The following CDH12 variants were observed in gnomAD, a reference collection of about 807,000 sequenced individuals.
CDH12 encodes the protein cadherin 12.
In CDH12, 41 loss-of-function variants were observed where a neutral mutation model predicts 74.1. The observed-to-expected ratio is 0.55, with a 90% CI of 0.43 to 0.72. The LOEUF is 0.72. CDH12 is among the 30% of genes least tolerant of loss of function. CDH12 has a pLI of 0.00. For synonymous variants in CDH12, 399 were observed against 355.0 expected (o/e 1.12, Z -1.39); for missense variants, 945 against 977.2 (o/e 0.97, Z 0.44).
intron 3 of CDH12, among the ~76,000 whole-genome samples, chr5:22,254,538 T>C (rs991640304): frequency 6.6e-6 from 1 of 151,770 alleles, no homozygotes; most frequent in African/African-American, 2.4e-5. Context: ...CATTCTACAA[T>C]GCAATGAAAT....
intron 1 of CDH12, among the ~76,000 whole-genome samples, chr5:22,762,986 A>T (rs970623639): frequency 6.9e-6 from 1 of 145,440 alleles, no homozygotes; most frequent in Non-Finnish European, 1.5e-5. Context: ...ACTGAAAATT[A>T]AAAAAAAAAT....
chr5:21,990,159 T>G (rs1291118320), intron 5 of CDH12, among the ~76,000 whole-genome samples: 7 of 152,206 alleles, frequency 4.6e-5, no homozygotes, highest in African/African-American at 9.6e-5. Flanking sequence ...TAGTGATTTC[T>G]GTGTTTTCAC....
intron 1 of CDH12, among the ~76,000 whole-genome samples, chr5:22,768,665 T>TA (rs575437540): frequency 1.3e-5 from 2 of 152,164 alleles, no homozygotes; most frequent in African/African-American, 2.4e-5. Context: ...AGGGAAGTAT[T>TA]AAAAAAATGA....
rs140818231 is a variant in CDH12 at position 22,598,152 on chromosome 5, C to T, written c.-522-92788G>A. Among the ~76,000 whole-genome samples the T allele has an allele frequency of 3.6e-3, 549 of 152,180 alleles. 1 individual carries two copies. The highest frequency in any genetic ancestry group is 0.01 in the African/African-American group (423 of 41,516). ...ATGATGTAATGCTGAAGTTCCATTT[C>T]CATTTCAACTTTAAGATTCTGTGAA... On this transcript the variant is annotated intron_variant, in intron 1 of 14. Coordinates refer to ENST00000382254, the MANE Select transcript of CDH12 (RefSeq NM_004061.5).
chr5:21,896,379 C>G (rs552035708), intron 6 of CDH12, among the ~76,000 whole-genome samples: 1 of 152,176 alleles, frequency 6.6e-6, no homozygotes, highest in South Asian at 2.1e-4. Context: ...ACAATTTTCT[C>G]TGCTCAAAAA....
intron 1 of CDH12, among the ~76,000 whole-genome samples, chr5:22,723,791 A>G (rs548836163): frequency 6.6e-6 from 1 of 152,184 alleles, no homozygotes; most frequent in Admixed American, 6.6e-5. Flanking sequence ...TTTGGCACTA[A>G]TAAGTGATGG....
At chr5:22,181,086 C>T (rs1325153859) in intron 4 of CDH12, among the ~76,000 whole-genome samples, 1 of 152,064 alleles carries the variant, frequency 6.6e-6, no homozygotes, top group Non-Finnish European at 1.5e-5. Flanking sequence ...TCTCTTCTCC[C>T]TCACAAGCAA....
chr5:22,457,564 C>A (rs1745331011), intron 2 of CDH12, among the ~76,000 whole-genome samples: 1 of 150,684 alleles, frequency 6.6e-6, no homozygotes, highest in South Asian at 2.1e-4. Context: ...GGATTACAGG[C>A]ACCTGCTAAC....
chr5:22,036,030 G>A (rs1441330760), intron 5 of CDH12, among the ~76,000 whole-genome samples: 7 of 152,054 alleles, frequency 4.6e-5, no homozygotes, highest in East Asian at 1.9e-4. Flanking sequence ...GAATGCAGCC[G>A]GCATTGACAT....
chr5:22,147,284 A>G (rs1320577822), intron 4 of CDH12, among the ~76,000 whole-genome samples: 1 of 152,118 alleles, frequency 6.6e-6, no homozygotes, highest in Non-Finnish European at 1.5e-5. Context: ...TTTGTCTCTG[A>G]CTTTTCACTC....
rs147504882 is a variant in CDH12, at chr5:22,419,203, C to T, written c.-427-13852G>A. Among the ~76,000 whole-genome samples the T allele has an allele frequency of 4.1e-3, 629 of 152,158 alleles. 7 individuals carry two copies. Among genetic ancestry groups the T allele is most frequent in the African/African-American group, 0.014 (598 of 41,506 alleles). ...GGCAGGACGTGCAAGTTTGTTACAC[C>T]GGTAAACACGGGTGTGCTTTGGTGG... On this transcript the variant is annotated intron_variant, in intron 2 of 14. Coordinates refer to ENST00000382254, the MANE Select transcript of CDH12 (RefSeq NM_004061.5).
At chr5:21,763,324 G>A (rs1470551549) in intron 12 of CDH12, among the ~76,000 whole-genome samples, 1 of 152,126 alleles carries the variant, frequency 6.6e-6, no homozygotes, top group Admixed American at 6.5e-5. Context: ...TAGTATGAAT[G>A]AGAATATAGT....
At chr5:21,948,474 A>G (rs1340362883) in intron 6 of CDH12, among the ~76,000 whole-genome samples, 1 of 152,140 alleles carries the variant, frequency 6.6e-6, no homozygotes, top group African/African-American at 2.4e-5. Flanking sequence ...TAATTTCTCC[A>G]ATTTGGAATG....
At chr5:22,247,761 T>C (rs1054753405) in intron 3 of CDH12, among the ~76,000 whole-genome samples, 1 of 152,228 alleles carries the variant, frequency 6.6e-6, no homozygotes, top group Non-Finnish European at 1.5e-5. Context: ...TAAAAAATTC[T>C]ATATGTCTTT....
chr5:21,978,950 C>G (rs1015680947), intron 5 of CDH12, among the ~76,000 whole-genome samples: 3 of 144,756 alleles, frequency 2.1e-5, no homozygotes, highest in African/African-American at 8.2e-5. Context: ...GCTTTGCTTA[C>G]AATGTGAAGG....
intron 6 of CDH12, among the ~76,000 whole-genome samples, chr5:21,923,960 C>G (rs574036207): frequency 1.1e-4 from 17 of 152,124 alleles, no homozygotes; most frequent in Non-Finnish European, 2.2e-4. Flanking sequence ...TGGATGCATA[C>G]TGTCTTCATA....
At chr5:22,154,994 C>T (rs1230814867) in intron 4 of CDH12, among the ~76,000 whole-genome samples, 2 of 152,060 alleles carry the variant, frequency 1.3e-5, no homozygotes, top group Admixed American at 6.6e-5. Flanking sequence ...GATTGAGGTC[C>T]CTCTTGCCTC....
intron 2 of CDH12, among the ~76,000 whole-genome samples, chr5:22,461,986 A>G (rs1230779011): frequency 6.6e-6 from 1 of 152,172 alleles, no homozygotes; most frequent in Non-Finnish European, 1.5e-5. Flanking sequence ...TTATGCATTT[A>G]TTAATTCCAG....
chr5:22,825,909 TAGTC>T (rs1736302345), intron 1 of CDH12, among the ~76,000 whole-genome samples: 1 of 151,824 alleles, frequency 6.6e-6, no homozygotes, highest in African/African-American at 2.4e-5. Flanking sequence ...TGCTGATAAT[TAGTC>T]AGTCTGCATA....
Sources: allele counts gnomAD v4.1 joint callset (sites outside exome capture counted in the v4.1 genomes callset), GRCh38; gene constraint gnomAD v4.1.1; transcripts MANE v1.5; gene names NCBI Gene and HGNC (gene_info 2026-07-23, HGNC 2026-07-21).